Variants in YEATS4 observed in about 807,000 individuals in gnomAD.
YEATS4 encodes YEATS domain-containing protein 4.
A neutral mutation model predicts 30.1 loss-of-function variants in YEATS4; 17 were observed. That is an observed-to-expected ratio of 0.56 (90% CI 0.39 to 0.85). The LOEUF is 0.85. Ranked by LOEUF, YEATS4 falls within the 40% of genes least tolerant of loss-of-function variation. The pLI is 0.00. For missense variants in YEATS4, 142 were observed against 268.3 expected (o/e 0.53, Z 3.29); for synonymous variants, 85 against 87.5 (o/e 0.97, Z 0.16).
chr12:69,372,537 G>GTT (rs71094710), intron 6 of YEATS4, among the ~76,000 whole-genome samples: 9 of 123,032 alleles, frequency 7.3e-5, no homozygotes, highest in Non-Finnish European at 3.3e-5. Flanking sequence ...TATCTCATGA[G>GTT]TTTTTTTTTT....
intron 6 of YEATS4, among the ~76,000 whole-genome samples, chr12:69,388,538 G>A (rs315118): frequency 0.059 from 9,001 of 152,152 alleles, 388 homozygotes; most frequent in African/African-American, 0.12. Flanking sequence ...TACTTTAATA[G>A]TGAGCAGCAG....
intron 6 of YEATS4, 79 bp downstream of exon 6, chr12:69,371,054 C>G: frequency 7.1e-7 from 1 of 1,400,078 alleles, no homozygotes; most frequent in Non-Finnish European, 9.7e-7. Flanking sequence ...GTGCCTTTTA[C>G]ACTTTAAAAA....
chr12:69,365,542 T>A (rs554172955), intron 2 of YEATS4, 91 bp from the exon 3 acceptor site: 12 of 866,608 alleles, frequency 1.4e-5, no homozygotes, highest in Admixed American at 5.3e-5. Context: ...GGAAGTATGT[T>A]TTTTATAAAA....
At chr12:69,380,377 T>C (rs1441424882) in intron 6 of YEATS4, among the ~76,000 whole-genome samples, 1 of 152,238 alleles carries the variant, frequency 6.6e-6, no homozygotes, top group Non-Finnish European at 1.5e-5. Flanking sequence ...TTTGGTGGTC[T>C]TGGATAAGAT....
chr12:69,388,740 G>A (rs1485217712), intron 6 of YEATS4, among the ~76,000 whole-genome samples: 2 of 152,204 alleles, frequency 1.3e-5, no homozygotes, highest in Non-Finnish European at 2.9e-5. Context: ...CATAACAATA[G>A]TTGATAGGGC....
intron 1 of YEATS4, among the ~76,000 whole-genome samples, chr12:69,362,413 A>C (rs1875258250): frequency 6.6e-6 from 1 of 152,220 alleles, no homozygotes; most frequent in South Asian, 2.1e-4. Context: ...ATACTTTGGG[A>C]AACACTGCCA....
At chr12:69,365,546 T>C in intron 2 of YEATS4, 87 bp from the exon 3 acceptor site, 1 of 892,984 alleles carries the variant, frequency 1.1e-6, no homozygotes, top group Admixed American at 2.6e-5. Context: ...GTATGTTTTT[T>C]ATAAAACTAA....
chr12:69,388,915 T>G (rs904858695), intron 6 of YEATS4, among the ~76,000 whole-genome samples: 1 of 152,148 alleles, frequency 6.6e-6, no homozygotes, highest in African/African-American at 2.4e-5. Context: ...TGAGCCAAGA[T>G]CACACCACTG....
chr12:69,374,835 C>T (rs1175449119), intron 6 of YEATS4, among the ~76,000 whole-genome samples: 2 of 152,158 alleles, frequency 1.3e-5, no homozygotes, highest in Non-Finnish European at 2.9e-5. Flanking sequence ...ACATTTCCCC[C>T]TTTTCTATTC....
chr12:69,399,107 A>G, the YEATS4 span, among the ~76,000 whole-genome samples: 1 of 151,938 alleles, frequency 6.6e-6, no homozygotes. Flanking sequence ...AGATCACACC[A>G]CTGCACTCCA....
At chr12:69,377,991 C>CTT (rs1336362333) in intron 6 of YEATS4, among the ~76,000 whole-genome samples, 2 of 152,134 alleles carry the variant, frequency 1.3e-5, no homozygotes, top group African/African-American at 4.8e-5. Flanking sequence ...CTCTTAAACT[C>CTT]TAATAATATT....
chr12:69,394,296 A>C (rs1409819010), downstream of YEATS4, among the ~76,000 whole-genome samples: 1 of 152,212 alleles, frequency 6.6e-6, no homozygotes, highest in African/African-American at 2.4e-5. Flanking sequence ...AAAAATAAAA[A>C]TAGCCTAAAG....
intron 6 of YEATS4, among the ~76,000 whole-genome samples, chr12:69,386,467 A>G (rs546417535): frequency 9.1e-4 from 138 of 152,316 alleles, no homozygotes; most frequent in African/African-American, 3.1e-3. Flanking sequence ...TGTTACTACT[A>G]CCAAGAAGCC....
At chr12:69,407,702 C>CTTTTTTTTTTTTTT in the YEATS4 span, among the ~76,000 whole-genome samples, 2 of 62,620 alleles carry the variant, frequency 3.2e-5, no homozygotes, top group Non-Finnish European at 5.4e-5. Flanking sequence ...TACTTTTTGT[C>CTTTTTTTTTTTTTT]TTTTTTTTTT....
chr12:69,380,648 G>T (rs1876038797), intron 6 of YEATS4, among the ~76,000 whole-genome samples: 2 of 152,064 alleles, frequency 1.3e-5, no homozygotes, highest in Non-Finnish European at 2.9e-5. Context: ...TCTATAATCA[G>T]CAGGTGATGA....
rs555660171 is a variant in YEATS4 at position 69,375,034 on chromosome 12, G to T, written c.514+4059G>T. On this transcript the variant is annotated intron_variant, in intron 6 of 6. Transcript: ENST00000247843. The stretch of plus-strand genomic sequence containing the variant: ...CCCCCACCTCCCGGACGGGGCAGCT[G>T]GCCGGGCGGGGGCTGCCCCCCACCT... Among the ~76,000 whole-genome samples, 22 of 149,496 alleles carry T rather than the reference G, an allele frequency of 1.5e-4. No individual in the cohort carries two copies. The South Asian group carries it at 4.6e-3, about 31-fold the overall frequency.
chr12:69,369,653 G>A (rs1424693965), intron 4 of YEATS4, among the ~76,000 whole-genome samples: 1 of 152,018 alleles, frequency 6.6e-6, no homozygotes, highest in Non-Finnish European at 1.5e-5. Flanking sequence ...TATCCTTCTT[G>A]GTAGACTCAT....
At chr12:69,394,321 A>G (rs1165204229), downstream of YEATS4, among the ~76,000 whole-genome samples, 1 of 152,240 alleles carries the variant, frequency 6.6e-6, no homozygotes, top group Non-Finnish European at 1.5e-5. Flanking sequence ...AGTGGGACAT[A>G]TATGTGTCTA....
chr12:69,375,503 C>T (rs1287582927), intron 6 of YEATS4, among the ~76,000 whole-genome samples: 6 of 152,222 alleles, frequency 3.9e-5, no homozygotes, highest in South Asian at 2.1e-4. Flanking sequence ...GACGGGGTGG[C>T]GGCCGGGCAG....
Sources: gnomAD v4.1 joint callset for allele counts (sites outside exome capture counted in the v4.1 genomes callset) on GRCh38, gnomAD v4.1.1 for gene constraint, MANE v1.5 for transcripts, NCBI Gene and HGNC (gene_info 2026-07-23, HGNC 2026-07-21) for gene names.